Variants in LRRC75A observed in about 807,000 individuals in gnomAD.
LRRC75A encodes leucine rich repeat containing 75A, also known as leucine-rich repeat-containing protein 75A.
LRRC75A carries 12 observed loss-of-function variants against 26.0 expected under a neutral mutation model. The observed-to-expected ratio is 0.46, with a 90% CI of 0.30 to 0.75. LRRC75A has a LOEUF of 0.75. LRRC75A is among the 30% of genes least tolerant of loss of function. The probability of loss-of-function intolerance (pLI) is 0.08; values close to 1 mark genes in which losing one functional copy is unlikely to be tolerated. For missense variants in LRRC75A, 410 were observed against 486.6 expected (o/e 0.84, Z 1.48); for synonymous variants, 223 against 219.3 (o/e 1.02, Z -0.15).
intron 2 of LRRC75A, among the ~76,000 whole-genome samples, chr17:16,454,551 C>A (rs1198249667): frequency 1.3e-5 from 2 of 151,906 alleles, no homozygotes; most frequent in Middle Eastern, 3.4e-3. Context: ...ATTAGCCAGG[C>A]ATGGTGGTGC....
intron 1 of LRRC75A, among the ~76,000 whole-genome samples, chr17:16,487,821 A>G (rs992620424): frequency 6.6e-6 from 1 of 152,220 alleles, no homozygotes; most frequent in Non-Finnish European, 1.5e-5. Context: ...CAGCAGCAGG[A>G]ACCAGGATTC....
At chr17:16,465,941 C>T (rs1367414790) in intron 1 of LRRC75A, among the ~76,000 whole-genome samples, 1 of 152,200 alleles carries the variant, frequency 6.6e-6, no homozygotes, top group East Asian at 1.9e-4. Context: ...ACCGGCCCGC[C>T]CTGTGAATTC....
chr17:16,456,274 GAGGAAGAGGAGGAGGAAGAGA>G (rs1417299081), intron 2 of LRRC75A, among the ~76,000 whole-genome samples: 4 of 55,974 alleles, frequency 7.1e-5, no homozygotes, highest in African/African-American at 2.3e-4. Context: ...AGAGGAGGAG[GAGGAAGAGGAGGAGGAAGAGA>G]AGGAAGAGGA....
intron 1 of LRRC75A, among the ~76,000 whole-genome samples, chr17:16,467,764 G>T (rs2093780641): frequency 6.6e-6 from 1 of 152,154 alleles, no homozygotes; most frequent in Non-Finnish European, 1.5e-5. Context: ...TGTGCCTACT[G>T]GACAGCCCTA....
Position 16,444,053 on chromosome 17 carries a change from C to T in LRRC75A, c.570G>A (p.Leu190=), listed in dbSNP as rs371400365. The stretch of plus-strand genomic sequence containing the variant: ...GCTGTAGGTAGCTGGTCACCCGCTC[C>T]AGGTCTCGGGAGGTCAGTGGGATTC... The part of the protein sequence containing the change: ...LSGIPLTSRD[L]ERVTSYLQRC... The change falls in exon 4 of 4, where the codon CTG becomes CTA. Residue 190 remains leucine (L), a synonymous_variant. Coordinates refer to ENST00000470794, the MANE Select transcript of LRRC75A (RefSeq NM_001113567.3). 1.9e-5 allele frequency: 31 copies of T among 1,613,244 alleles called. No individual in the cohort carries two copies. Among genetic ancestry groups the T allele is most frequent in the Non-Finnish European group, 2.5e-5 (30 of 1,179,732 alleles).
chr17:16,455,362 A>C (rs1216528399), intron 2 of LRRC75A, among the ~76,000 whole-genome samples: 1 of 150,954 alleles, frequency 6.6e-6, no homozygotes, highest in Admixed American at 6.6e-5. Context: ...AGTGAGGGAA[A>C]AGTACCACAC....
intron 3 of LRRC75A, chr17:16,447,037 G>C (rs1239522186): frequency 3.8e-6 from 1 of 262,784 alleles, no homozygotes; most frequent in Non-Finnish European, 7.8e-6. Context: ...GGGACCTGCA[G>C]GGATGAGCTA....
chr17:16,472,113 A>G (rs1268498951), intron 1 of LRRC75A, among the ~76,000 whole-genome samples: 1 of 152,098 alleles, frequency 6.6e-6, no homozygotes. Flanking sequence ...GCTCACTGTC[A>G]CTGGAAGGAT....
intron 1 of LRRC75A, among the ~76,000 whole-genome samples, chr17:16,479,670 T>C (rs2093829092): frequency 6.6e-6 from 1 of 152,190 alleles, no homozygotes; most frequent in Non-Finnish European, 1.5e-5. Context: ...TCCTTGGTTT[T>C]CCTGGGCTGC....
chr17:16,479,711 T>C (rs921222477), intron 1 of LRRC75A, among the ~76,000 whole-genome samples: 6 of 152,214 alleles, frequency 3.9e-5, no homozygotes, highest in African/African-American at 1.2e-4. Flanking sequence ...AAATCTAACA[T>C]GGAGGCAGCG....
At position 16,443,646 on chromosome 17, in the gene LRRC75A, ACAGGGC is replaced by A; in HGVS notation, c.971_976del (p.Gly324_Pro325del). On this transcript the variant is annotated inframe_deletion, in exon 4 of 4. Coordinates refer to ENST00000470794, the MANE Select transcript of LRRC75A (RefSeq NM_001113567.3). Reference sequence around the variant, plus strand: ...CTCATGGTGGTCTTCGGCAGGTGCCACAGGGCCCCCTCCAGGGTCCTCCTGGCCTAC... The same window carrying A: ...CTCATGGTGGTCTTCGGCAGGTGCCACCCCTCCAGGGTCCTCCTGGCCTAC... 6.4e-7 allele frequency: 1 copy of A among 1,559,188 alleles called. No individual in the cohort carries two copies. Among genetic ancestry groups the A allele is most frequent in the Non-Finnish European group, 8.7e-7 (1 of 1,151,000 alleles).
intron 1 of LRRC75A, among the ~76,000 whole-genome samples, chr17:16,472,151 C>T (rs1191689912): frequency 4.6e-5 from 7 of 152,026 alleles, no homozygotes; most frequent in African/African-American, 1.4e-4. Context: ...ACTCATCAGC[C>T]GGCACTGCTG....
Position 16,487,241 on chromosome 17 carries a change from C to T in LRRC75A, c.246+4504G>A, listed in dbSNP as rs1315204865. Among the ~76,000 whole-genome samples, 3 of 152,330 alleles carry T rather than the reference C, an allele frequency of 2.0e-5. No individual in the cohort carries two copies. The East Asian group carries it at 5.8e-4, about 29-fold the overall frequency. On this transcript the variant is annotated intron_variant, in intron 1 of 3. Coordinates refer to ENST00000470794, the MANE Select transcript of LRRC75A (RefSeq NM_001113567.3). ...CCAGGTGGAGGAAGAAGAGCAGGCCCAGCGTAGGGCCCCCCTGCTCGGTGT... is the reference window on the plus strand; with the variant it reads ...CCAGGTGGAGGAAGAAGAGCAGGCCTAGCGTAGGGCCCCCCTGCTCGGTGT...
chr17:16,448,495 T>G (rs899573964), intron 2 of LRRC75A, among the ~76,000 whole-genome samples: 2 of 152,186 alleles, frequency 1.3e-5, no homozygotes, highest in South Asian at 4.1e-4. Flanking sequence ...GCCAAGTCTT[T>G]CCCAGCGCAG....
chr17:16,455,622 T>A (rs540650697), intron 2 of LRRC75A, among the ~76,000 whole-genome samples: 1 of 152,236 alleles, frequency 6.6e-6, no homozygotes, highest in East Asian at 1.9e-4. Flanking sequence ...CCTCAAGTGG[T>A]CCACCTGCCT....
At chr17:16,485,070 C>T (rs1473304714) in intron 1 of LRRC75A, among the ~76,000 whole-genome samples, 1 of 152,038 alleles carries the variant, frequency 6.6e-6, no homozygotes, top group African/African-American at 2.4e-5. Flanking sequence ...AGGGGGTCCC[C>T]GCCCCTGCTT....
chr17:16,455,128 T>C (rs2093666635), intron 2 of LRRC75A, among the ~76,000 whole-genome samples: 1 of 151,904 alleles, frequency 6.6e-6, no homozygotes, highest in Non-Finnish European at 1.5e-5. Flanking sequence ...AGACAGGGTT[T>C]CACTATGTTG....
At chr17:16,448,662 G>A (rs2093606380) in intron 2 of LRRC75A, among the ~76,000 whole-genome samples, 1 of 152,186 alleles carries the variant, frequency 6.6e-6, no homozygotes, top group Non-Finnish European at 1.5e-5. Context: ...CTTTAAAGAG[G>A]TGACTAAGGT....
chr17:16,462,616 C>G lies in LRRC75A; in HGVS notation c.247-230G>C, dbSNP rs1426172507. On this transcript the variant is annotated intron_variant, in intron 1 of 3. Transcript: ENST00000470794. The surrounding 1 kb of genome is among the most constrained non-coding windows in gnomAD (Gnocchi z 4.6). ...GCCTCTGCAGGCTCTGCAGTTTGTG[C>G]AGGTCCTGGCTTGTGGCCCTCTCCT... Among the ~76,000 whole-genome samples the G allele has an allele frequency of 6.6e-6, 1 of 152,224 alleles. No individual in the cohort carries two copies. Among genetic ancestry groups the G allele is most frequent in the East Asian group, 1.9e-4 (1 of 5,186 alleles).
Sources: gnomAD v4.1 joint callset for allele counts (sites outside exome capture counted in the v4.1 genomes callset) on GRCh38, gnomAD v4.1.1 for gene constraint, Gnocchi (gnomAD v3.1) non-coding constraint, MANE v1.5 for transcripts, NCBI Gene and HGNC (gene_info 2026-07-23, HGNC 2026-07-21) for gene names.